Variants in PRDM9 observed in about 807,000 individuals in gnomAD.
The protein encoded by PRDM9 is PR/SET domain 9.
In PRDM9, 47 loss-of-function variants were observed where a neutral mutation model predicts 55.6. The ratio of observed to expected loss-of-function variants is 0.85; its 90% confidence interval spans 0.67 to 1.08. The LOEUF (loss-of-function observed/expected upper bound fraction) is 1.08, where lower values mean the gene tolerates loss of function less well. Among genes scored for constraint, PRDM9 ranks in the 50% least tolerant of loss-of-function variants. The pLI, the probability that PRDM9 is intolerant of heterozygous loss-of-function variation, is 0.00. For synonymous variants in PRDM9, 312 were observed against 375.7 expected, an observed-to-expected ratio of 0.83 and a Z score of 1.96; for missense variants, 867 against 1,040.3, an observed-to-expected ratio of 0.83 and a Z score of 2.29.
At chr5:23,524,115 G>T (rs1416939273) in intron 9 of PRDM9, among the ~76,000 whole-genome samples, 1 of 152,280 alleles carries the variant, frequency 6.6e-6, no homozygotes, top group South Asian at 2.1e-4. Context: ...GCATGGCAGG[G>T]AAACATTCTA....
intron 1 of PRDM9, among the ~76,000 whole-genome samples, chr5:23,508,684 C>T (rs1037063361): frequency 6.6e-6 from 1 of 152,184 alleles, no homozygotes; most frequent in Non-Finnish European, 1.5e-5. Flanking sequence ...CTACAACCCT[C>T]CAGGCACCTG....
At position 23,527,725 on chromosome 5, in the gene PRDM9, G is replaced by A; in HGVS notation, c.2637G>A (p.Gln879=). ...FSDRSSLCYH[Q]RTHTGEKPYV... is the part of the protein sequence containing the mutation. ...ATAGGTCAAGCCTCTGCTATCACCA[G>A]AGGACACACACAGGGGAGAAGCCCT... The change falls in exon 11 of 11, where the codon CAG becomes CAA. Residue 879 remains glutamine (Q), a synonymous_variant. Coordinates refer to ENST00000296682, the MANE Select transcript of PRDM9 (RefSeq NM_020227.4). The A allele has an allele frequency of 1.9e-6, 3 of 1,613,456 alleles. No homozygotes were observed. Among genetic ancestry groups the A allele is most frequent in the Non-Finnish European group, 2.5e-6 (3 of 1,179,758 alleles).
In PRDM9 at chr5:23,522,857, A is replaced by T. The variant is rs1232702147; in HGVS notation, c.854A>T (p.Glu285Val). 1.2e-6 allele frequency: 2 copies of T among 1,614,276 alleles called. No homozygotes were observed. The highest frequency in any genetic ancestry group is 3.3e-5 in the Admixed American group (2 of 60,038). The change falls in exon 8 of 11, where the codon GAG becomes GTG. Residue 285 changes from glutamate (E) to valine (V), a missense_variant. Physicochemically the swap from Glu to Val is moderately radical, Grantham distance 121 (BLOSUM62 -2). Transcript: ENST00000296682. ...PYEGRITEDE[E>V]AANNGYSWLI... ...GAGGGCCGAATTACAGAAGACGAAG[A>T]GGCAGCCAACAATGGATACTCCTGG...
At chr5:23,510,569 G>A (rs1416601250) in intron 4 of PRDM9, among the ~76,000 whole-genome samples, 48 of 151,740 alleles carry the variant, frequency 3.2e-4, no homozygotes, top group Non-Finnish European at 5.9e-5. Flanking sequence ...TGTTGGCCAG[G>A]CTGGTCTCAA....
chr5:23,516,598 T>C (rs1022121603), intron 4 of PRDM9, among the ~76,000 whole-genome samples: 2 of 151,766 alleles, frequency 1.3e-5, no homozygotes, highest in Admixed American at 6.6e-5. Context: ...GGTCTCGATC[T>C]CCTGACCTCG....
rs1739448107 is a variant in PRDM9, at chr5:23,526,731, G to T, written c.1643G>T (p.Gly548Val). The change falls in exon 11 of 11, where the codon GGG (glycine) becomes GTG (valine). Residue 548 changes from glycine to valine, a missense_variant. Around this residue, in one of 5 missense-constraint regions of PRDM9, gnomAD observed 662 missense variants for 711.9 expected, o/e 0.93. Transcript: ENST00000296682. ...ATTACACACCAAAGGACACATACAGGGGAGAAGCTCTACGTCTGCAGGGAG... is the reference window on the plus strand; with the variant it reads ...ATTACACACCAAAGGACACATACAGTGGAGAAGCTCTACGTCTGCAGGGAG... ...DVITHQRTHT[G>V]EKLYVCRECG... is the part of the protein sequence containing the mutation. 1.2e-6 allele frequency: 2 copies of T among 1,613,366 alleles called. No individual in the cohort carries two copies. The highest frequency in any genetic ancestry group is 1.7e-6 in the Non-Finnish European group (2 of 1,179,828).
At position 23,522,381 on chromosome 5, in the gene PRDM9, G is replaced by A. The variant is rs754142725; in HGVS notation, c.586G>A (p.Glu196Lys). The A allele has an allele frequency of 1.1e-5, 18 of 1,613,892 alleles. No individual in the cohort carries two copies. The highest frequency in any genetic ancestry group is 2.2e-5 in the South Asian group (2 of 91,076). The change falls in exon 7 of 11, where the codon GAG becomes AAG. Residue 196 changes from glutamate to lysine, a missense_variant. Physicochemically the swap from Glu to Lys is moderately conservative, Grantham distance 56. Coordinates refer to ENST00000296682, the MANE Select transcript of PRDM9 (RefSeq NM_020227.4). ...GGGTCATGCATACAAAGAGGTCAGCGAGCCGCAGGATGATGATTACCTCTG... is the reference window on the plus strand; with the variant it reads ...GGGTCATGCATACAAAGAGGTCAGCAAGCCGCAGGATGATGATTACCTCTG... ...RKGHAYKEVS[E>K]PQDDDYLYCE...
chr5:23,518,567 C>T (rs374346839), intron 5 of PRDM9, among the ~76,000 whole-genome samples: 1 of 152,214 alleles, frequency 6.6e-6, no homozygotes, highest in Non-Finnish European at 1.5e-5. Flanking sequence ...TCCCTACCCT[C>T]ATAAGGGACC....
At chr5:23,509,211 T>A (rs1002954870) in intron 2 of PRDM9, 109 bp downstream of exon 2, 1 of 1,458,550 alleles carries the variant, frequency 6.9e-7, no homozygotes, top group Non-Finnish European at 9.5e-7. Context: ...GTGCATGGAA[T>A]GGGGGCAGCT....
chr5:23,525,745 C>G (rs1206517956), intron 10 of PRDM9, among the ~76,000 whole-genome samples: 1 of 152,252 alleles, frequency 6.6e-6, no homozygotes, highest in Non-Finnish European at 1.5e-5. Context: ...CTTAATAGAT[C>G]CTTTTCCCCT....
At chr5:23,524,271 A>T in intron 9 of PRDM9, 63 bp from the exon 10 acceptor site, 1 of 1,573,964 alleles carries the variant, frequency 6.4e-7, no homozygotes, top group Non-Finnish European at 8.7e-7. Flanking sequence ...GATGGGCCAT[A>T]CCTGGATCTG....
In PRDM9 at chr5:23,521,095, G is replaced by T; in HGVS notation, c.424G>T (p.Ala142Ser). 6.2e-7 allele frequency: 1 copy of T among 1,614,176 alleles called. No individual in the cohort carries two copies. The highest frequency in any genetic ancestry group is 8.5e-7 in the Non-Finnish European group (1 of 1,180,020). Residue 142 changes from alanine to serine, a missense_variant, in exon 6 of 11, where the codon GCA becomes TCA. Physicochemically the swap from Ala to Ser is moderately conservative, Grantham distance 99 (BLOSUM62 1). Around this residue, in one of 5 missense-constraint regions of PRDM9, gnomAD observed 662 missense variants for 711.9 expected, o/e 0.93. Transcript: ENST00000296682. ...GTCAAGAACAGCAAATTTACTGAATGCAAGTGGCTCAGAGCAGGCTCAGAA... is the reference window on the plus strand; with the variant it reads ...GTCAAGAACAGCAAATTTACTGAATTCAAGTGGCTCAGAGCAGGCTCAGAA... The part of the protein sequence containing the change: ...ELSRTANLLN[A>S]SGSEQAQKPV...
At chr5:23,520,985 T>G (rs935766460) in intron 5 of PRDM9, 38 bp from the exon 6 acceptor site, 3 of 1,610,226 alleles carry the variant, frequency 1.9e-6, no homozygotes, top group Non-Finnish European at 2.5e-6. Flanking sequence ...ACTAAAGAAA[T>G]TCGTGTTGTC....
intron 8 of PRDM9, 26 bp downstream of exon 8, chr5:23,522,911 G>T (rs1481228667): frequency 1.2e-6 from 2 of 1,614,150 alleles, no homozygotes; most frequent in African/African-American, 2.7e-5. Flanking sequence ...CATTTCCCCT[G>T]TTCTGTCTTC....
chr5:23,520,190 C>A (rs1362362384), intron 5 of PRDM9, among the ~76,000 whole-genome samples: 4 of 151,346 alleles, frequency 2.6e-5, no homozygotes, highest in Admixed American at 2.6e-4. Context: ...CCTAGTGAAA[C>A]CCCGTCTCTA....
At chr5:23,515,713 T>C (rs1739197363) in intron 4 of PRDM9, among the ~76,000 whole-genome samples, 1 of 152,258 alleles carries the variant, frequency 6.6e-6, no homozygotes, top group Non-Finnish European at 1.5e-5. Flanking sequence ...TAAGAGTCTG[T>C]CTTCTCTTTT....
At chr5:23,516,892 A>G (rs1222230868) in intron 4 of PRDM9, among the ~76,000 whole-genome samples, 1 of 149,294 alleles carries the variant, frequency 6.7e-6, no homozygotes, top group Non-Finnish European at 1.5e-5. Flanking sequence ...TAATCCTAGC[A>G]CTTTGGGAGG....
chr5:23,508,384 C>T (rs184751581), intron 1 of PRDM9, among the ~76,000 whole-genome samples: 91 of 152,138 alleles, frequency 6.0e-4, no homozygotes, highest in Non-Finnish European at 7.2e-4. Context: ...CCTGAAAAAC[C>T]CCAATTTCTT....
At chr5:23,523,611 T>C (rs553360168) in intron 9 of PRDM9, among the ~76,000 whole-genome samples, 1 of 152,322 alleles carries the variant, frequency 6.6e-6, no homozygotes, top group South Asian at 2.1e-4. Context: ...TTGAGAAGCC[T>C]AGATTCACGG....
Sources: gnomAD v4.1 joint callset for allele counts (sites outside exome capture counted in the v4.1 genomes callset) on GRCh38, gnomAD v4.1.1 for gene constraint, gnomAD v4.1.1 regional missense constraint, MANE v1.5 for transcripts, NCBI Gene and HGNC (gene_info 2026-07-23, HGNC 2026-07-21) for gene names.